GLYATL2: variants seen among roughly 807,000 people sequenced by gnomAD.
The protein encoded by GLYATL2 is glycine-N-acyltransferase like 2.
A neutral mutation model predicts 21.4 loss-of-function variants in GLYATL2; 25 were observed. The ratio of observed to expected loss-of-function variants is 1.17; its 90% CI spans 0.85 to 1.63. The LOEUF (loss-of-function observed/expected upper bound fraction) is 1.63. Ranked by LOEUF, GLYATL2 falls within the 40% of genes most tolerant of loss-of-function variation. GLYATL2 has a pLI of 0.00. For synonymous variants in GLYATL2, 114 were observed against 118.2 expected, an observed-to-expected ratio of 0.96 and a Z score of 0.23; for missense variants, 361 against 343.3, an observed-to-expected ratio of 1.05 and a Z score of -0.41.
chr11:58,880,638 GA>G (rs921487435), intron 1 of GLYATL2, among the ~76,000 whole-genome samples: 7 of 150,330 alleles, frequency 4.7e-5, no homozygotes, highest in South Asian at 4.2e-4. Context: ...TTGGAGGTGG[GA>G]AAAAAAAAGA....
At chr11:58,899,967 A>G (rs1854707086) in intron 1 of GLYATL2, among the ~76,000 whole-genome samples, 1 of 151,492 alleles carries the variant, frequency 6.6e-6, no homozygotes, top group African/African-American at 2.4e-5. Flanking sequence ...GTATTTTCAG[A>G]GTCCATCGAA....
intron 1 of GLYATL2, among the ~76,000 whole-genome samples, chr11:58,869,545 A>G (rs938944847): frequency 6.6e-6 from 1 of 152,186 alleles, no homozygotes; most frequent in South Asian, 2.1e-4. Context: ...AGACTGTATT[A>G]CTATCTCGTG....
At chr11:58,903,304 G>A (rs1378372462) in intron 1 of GLYATL2, among the ~76,000 whole-genome samples, 2 of 152,062 alleles carry the variant, frequency 1.3e-5, no homozygotes, top group Non-Finnish European at 2.9e-5. Context: ...AACAAGGCAG[G>A]ATTTTGTATT....
chr11:58,850,515 C>T (rs1199204599), intron 1 of GLYATL2, among the ~76,000 whole-genome samples: 1 of 152,000 alleles, frequency 6.6e-6, no homozygotes, highest in East Asian at 1.9e-4. Context: ...ACAATCATAA[C>T]CCAGGAAAAA....
chr11:58,863,691 G>A (rs1413911796), intron 1 of GLYATL2, among the ~76,000 whole-genome samples: 5 of 152,184 alleles, frequency 3.3e-5, no homozygotes, highest in African/African-American at 1.2e-4. Flanking sequence ...TGGCCTGGAG[G>A]TTGGGTGTAT....
At chr11:58,862,822 G>C (rs1222299757) in intron 1 of GLYATL2, among the ~76,000 whole-genome samples, 1 of 30,810 alleles carries the variant, frequency 3.2e-5, no homozygotes, top group Non-Finnish European at 1.9e-4. Context: ...TCAGCTATTG[G>C]TTATTCTTTT....
chr11:58,875,198 G>A lies in GLYATL2; in HGVS notation n.60+28958C>T, dbSNP rs201623630. Among the ~76,000 whole-genome samples the A allele has an allele frequency of 3.9e-3, 601 of 152,238 alleles. 9 individuals are homozygous for A. The highest frequency in any genetic ancestry group is 0.034 in the South Asian group (166 of 4,816). ...CTATGTGTGTCTCTGCACGTGAGAT[G>A]GGTTTCCTGAATACAGCACACTGAT... On this transcript the variant is annotated intron_variant and non_coding_transcript_variant, in intron 1 of 4. Transcript: ENST00000533636.
intron 1 of GLYATL2, among the ~76,000 whole-genome samples, chr11:58,896,935 A>ACCT (rs559686762): frequency 7.9e-5 from 12 of 151,950 alleles, no homozygotes; most frequent in South Asian, 6.2e-4. Context: ...GGAAGATTCC[A>ACCT]CCTCCTGTTC....
chr11:58,846,520 G>T (rs774357056), upstream of GLYATL2, among the ~76,000 whole-genome samples: 1 of 146,418 alleles, frequency 6.8e-6, no homozygotes, highest in South Asian at 2.1e-4. Flanking sequence ...CTCTGGGCAC[G>T]GGGGTAGAAA....
intron 1 of GLYATL2, among the ~76,000 whole-genome samples, chr11:58,866,482 A>C (rs1042956788): frequency 1.3e-5 from 2 of 148,548 alleles, no homozygotes; most frequent in Non-Finnish European, 3.0e-5. Context: ...CTGCTCAATC[A>C]CCAAAGCTCC....
intron 1 of GLYATL2, among the ~76,000 whole-genome samples, chr11:58,859,662 C>A (rs189000269): frequency 5.3e-5 from 8 of 152,104 alleles, no homozygotes; most frequent in Non-Finnish European, 1.2e-4. Flanking sequence ...GTTATCTGTG[C>A]TTTAGGAATT....
At chr11:58,875,481 C>T (rs1038352803) in intron 1 of GLYATL2, among the ~76,000 whole-genome samples, 1 of 152,142 alleles carries the variant, frequency 6.6e-6, no homozygotes, top group Non-Finnish European at 1.5e-5. Context: ...TTAGGGCAGG[C>T]CTGGTGGTGA....
chr11:58,862,835 T>C (rs1157440466), intron 1 of GLYATL2, among the ~76,000 whole-genome samples: 1 of 152,224 alleles, frequency 6.6e-6, no homozygotes, highest in Non-Finnish European at 1.5e-5. Context: ...ATTCTTTTTT[T>C]TTTCTATGGT....
At chr11:58,837,513 G>C (rs949892442) in intron 3 of GLYATL2, 116 bp from the exon 4 acceptor site, 1 of 1,017,748 alleles carries the variant, frequency 9.8e-7, no homozygotes, top group Admixed American at 2.4e-5. Flanking sequence ...TTCTGAGACA[G>C]GTGTAGAAAA....
At chr11:58,867,627 G>T (rs1423442359) in intron 1 of GLYATL2, among the ~76,000 whole-genome samples, 1 of 148,844 alleles carries the variant, frequency 6.7e-6, no homozygotes, top group Non-Finnish European at 1.5e-5. Context: ...CAACACCTGT[G>T]AAACCAGAAT....
At chr11:58,867,272 C>A (rs1441427852) in intron 1 of GLYATL2, among the ~76,000 whole-genome samples, 2 of 148,906 alleles carry the variant, frequency 1.3e-5, no homozygotes, top group East Asian at 2.2e-4. Flanking sequence ...AACAAAAATA[C>A]CATGCAATAC....
upstream of GLYATL2, chr11:58,905,379 C>A: frequency 2.3e-6 from 1 of 437,654 alleles, no homozygotes; most frequent in Non-Finnish European, 4.6e-6. Context: ...CTGCTGCTGC[C>A]GCTGGATCCC....
intron 2 of GLYATL2, among the ~76,000 whole-genome samples, chr11:58,838,592 T>C (rs1453350209): frequency 6.6e-6 from 1 of 152,148 alleles, no homozygotes; most frequent in Non-Finnish European, 1.5e-5. Flanking sequence ...ACCTGAGTCA[T>C]TAGGAACTGG....
At chr11:58,847,221 G>A (rs1017841236), upstream of GLYATL2, among the ~76,000 whole-genome samples, 54 of 152,276 alleles carry the variant, frequency 3.5e-4, no homozygotes, top group Admixed American at 3.1e-3. Context: ...AGGACCTTGC[G>A]TGAGCATCTG....
Sources: gnomAD v4.1 joint callset for allele counts (sites outside exome capture counted in the v4.1 genomes callset) on GRCh38, gnomAD v4.1.1 for gene constraint, MANE v1.5 for transcripts, NCBI Gene and HGNC (gene_info 2026-07-23, HGNC 2026-07-21) for gene names.